Variants in C16orf95 observed in about 807,000 individuals in gnomAD.
C16orf95 encodes the protein uncharacterized protein C16orf95.
Under a neutral mutation model 32.1 loss-of-function variants are expected in C16orf95, and 41 were observed. That is an observed-to-expected ratio of 1.28 (90% CI 1.00 to 1.66). The LOEUF (loss-of-function observed/expected upper bound fraction) is 1.66, where lower values mean the gene tolerates loss of function less well. C16orf95 is among the 40% of genes most tolerant of loss of function. The pLI is 0.00. For synonymous variants in C16orf95, 147 were observed against 128.9 expected, an observed-to-expected ratio of 1.14 and a Z score of -0.95; for missense variants, 399 against 325.9, an observed-to-expected ratio of 1.22 and a Z score of -1.73.
At position 87,317,161 on chromosome 16, in the gene C16orf95, C is replaced by G; in HGVS notation, c.82G>C (p.Ala28Pro). The G allele has an allele frequency of 6.5e-7, 1 of 1,532,750 alleles. No homozygotes were observed. The highest frequency in any genetic ancestry group is 8.7e-7 in the Non-Finnish European group (1 of 1,145,416). 94.9% of individuals were successfully genotyped at this position (1,532,750 alleles called of 1,614,324 possible). A position where few individuals can be genotyped will look rare whatever the true frequency, so the allele number is the denominator to read the frequency against. ...EATGAASGAA[A>P]GGPGAGCVGL... ...ACGCACCCCGCGCCCGGCCCCCCGG[C>G]AGCAGCGCCTGAGGCTGCTCCAGTG... Residue 28 changes from alanine (A) to proline (P), a missense_variant, in exon 1 of 7, where the codon GCC becomes CCC. Transcript: ENST00000567970.
At chr16:87,316,356 C>T (rs1904334801) in intron 1 of C16orf95, among the ~76,000 whole-genome samples, 1 of 152,184 alleles carries the variant, frequency 6.6e-6, no homozygotes. Flanking sequence ...TTCCACTCCC[C>T]AACAAACTGC....
At chr16:87,310,453 G>T in intron 4 of C16orf95, 120 bp from the exon 5 acceptor site, 1 of 980,482 alleles carries the variant, frequency 1.0e-6, no homozygotes, top group South Asian at 1.5e-5. Flanking sequence ...AAAGCCAAGG[G>T]CTCCTCCTTA....
At chr16:87,316,692 G>A (rs921125175) in intron 1 of C16orf95, among the ~76,000 whole-genome samples, 14 of 152,032 alleles carry the variant, frequency 9.2e-5, no homozygotes, top group African/African-American at 3.4e-4. Context: ...GTTCAGGTGG[G>A]CCAAACTCAC....
intron 6 of C16orf95, chr16:87,303,359 AC>A (rs1334869717): frequency 2.6e-5 from 11 of 430,054 alleles, no homozygotes; most frequent in African/African-American, 1.2e-4. Context: ...TGTGAAGGGG[AC>A]AGGTGAAATG....
rs1207555313 is a variant in C16orf95, at chr16:87,305,997, G to A, written c.515-92C>T. The A allele has an allele frequency of 3.1e-5, 31 of 1,005,180 alleles. No individual in the cohort carries two copies. The highest frequency in any genetic ancestry group is 2.2e-4 in the African/African-American group (13 of 58,544). 62.3% of individuals were successfully genotyped at this position (1,005,180 alleles called of 1,614,324 possible). ...CTGCAACACCAGCCCCAGAGCCTCC[G>A]GGAAATGGGGACTTCCAGGACCCAG... On this transcript the variant is annotated intron_variant, in intron 5 of 6. Transcript: ENST00000567970. This position sits in a 1 kb window ranked among gnomAD's most constrained non-coding sequence, Gnocchi z 4.2.
Position 87,303,143 on chromosome 16 carries a change from G to A in C16orf95, c.702-68C>T, listed in dbSNP as rs560271017. ...CTGAGACCAGCTGCCCTCAGCGCGT[G>A]CCCTTGGGAAACCTCCATGAGCGGA... is the stretch of plus-strand genomic sequence containing the variant. On this transcript the variant is annotated intron_variant, in intron 6 of 6. Transcript: ENST00000567970. 1.3e-5 allele frequency: 20 copies of A among 1,498,212 alleles called. No homozygotes were observed. The South Asian group carries it at 1.7e-4, about 13-fold the overall frequency. The allele number at this position is 1,498,212 out of a possible 1,614,324, so 92.8% of individuals were successfully genotyped here.
intron 5 of C16orf95, among the ~76,000 whole-genome samples, chr16:87,309,168 G>T (rs559581707): frequency 6.6e-6 from 1 of 151,820 alleles, no homozygotes; most frequent in Non-Finnish European, 1.5e-5. Flanking sequence ...GTTTGTTTTG[G>T]GTTCAATTTT....
In C16orf95 at chr16:87,313,058, G is replaced by T. The variant is rs143506525; in HGVS notation, c.331-1762C>A. On this transcript the variant is annotated intron_variant, in intron 3 of 6. Coordinates refer to ENST00000567970, the MANE Select transcript of C16orf95 (RefSeq NM_001195124.3). ...AACATAGAAATGTATCATGTTTATGGGTCAAAAGATTCAATATTTTTCAAA... is the reference window on the plus strand; with the variant it reads ...AACATAGAAATGTATCATGTTTATGTGTCAAAAGATTCAATATTTTTCAAA... Among the ~76,000 whole-genome samples, 5 of 152,122 alleles carry T rather than the reference G, an allele frequency of 3.3e-5. No homozygotes were observed. In the East Asian group the frequency reaches 9.6e-4, roughly 29 times the overall value.
At chr16:87,306,155 G>A (rs984492596) in intron 5 of C16orf95, 1 of 361,694 alleles carries the variant, frequency 2.8e-6, no homozygotes, top group Non-Finnish European at 4.9e-6. Context: ...ACAGCATATG[G>A]AACATGTGCA....
At chr16:87,316,457 G>GT (rs1904339139) in intron 1 of C16orf95, among the ~76,000 whole-genome samples, 1 of 152,184 alleles carries the variant, frequency 6.6e-6, no homozygotes, top group African/African-American at 2.4e-5. Flanking sequence ...TGTGGAAACC[G>GT]TAAGAGCGAT....
intron 3 of C16orf95, among the ~76,000 whole-genome samples, chr16:87,314,182 T>C (rs1371720440): frequency 6.6e-6 from 1 of 152,182 alleles, no homozygotes. Context: ...CCAAGAAGAA[T>C]GACGGCATAT....
rs116811917 is a variant in C16orf95, at chr16:87,307,910, A to G, written c.515-2005T>C. ...GGGTCCTGGGAATTTAACCACATCA[A>G]TGCAGTCTTTTTTTACATCATTAAC... On this transcript the variant is annotated intron_variant, in intron 5 of 6. Transcript: ENST00000567970. Among the ~76,000 whole-genome samples, 1,471 of 152,340 alleles carry G rather than the reference A, an allele frequency of 9.7e-3. 31 individuals carry two copies. Among genetic ancestry groups the G allele is most frequent in the African/African-American group, 0.034 (1,422 of 41,558 alleles).
At chr16:87,312,119 G>A (rs1567605201) in intron 3 of C16orf95, among the ~76,000 whole-genome samples, 1 of 152,176 alleles carries the variant, frequency 6.6e-6, no homozygotes, top group Non-Finnish European at 1.5e-5. Context: ...CCCACCCTTG[G>A]CACTGTGACC....
intron 5 of C16orf95, among the ~76,000 whole-genome samples, chr16:87,306,790 T>C (rs1442432111): frequency 6.6e-6 from 1 of 152,102 alleles, no homozygotes; most frequent in African/African-American, 2.4e-5. Context: ...CGTGAATGGG[T>C]TTGAGGCTTG....
intron 3 of C16orf95, among the ~76,000 whole-genome samples, chr16:87,312,605 AAG>A (rs1911335529): frequency 6.6e-6 from 1 of 151,882 alleles, no homozygotes; most frequent in South Asian, 2.1e-4. Flanking sequence ...AGAAAAGAAA[AAG>A]AAAAACTGAA....
chr16:87,310,368 G>A, intron 4 of C16orf95, 35 bp from the exon 5 acceptor site: 2 of 1,535,486 alleles, frequency 1.3e-6, no homozygotes, highest in Non-Finnish European at 8.7e-7. Flanking sequence ...CAGTCAGCCT[G>A]GCGACCCTCC....
At position 87,314,947 on chromosome 16, in the gene C16orf95, G is replaced by A. The variant is rs564005097; in HGVS notation, c.330+24C>T. 31 of 1,534,174 alleles carry A rather than the reference G, an allele frequency of 2.0e-5. No individual in the cohort carries two copies. The African/African-American group carries it at 4.2e-4, about 21-fold the overall frequency. On this transcript the variant is annotated intron_variant, in intron 3 of 6. Transcript: ENST00000567970. ...ACATTCACCCTGGACCCTAGGGGAA[G>A]ACCTCCTGGTTCAAGTCACCTACCT...
chr16:87,302,907 T>A lies in C16orf95; in HGVS notation c.*150A>T. On this transcript the variant is annotated 3_prime_UTR_variant, in exon 7 of 7. Transcript: ENST00000567970. The stretch of plus-strand genomic sequence containing the variant: ...TTTGCTACAACCAAGAATCACCTGA[T>A]GAGAAATCATTTGGGTTGAATCCTG... 1 of 790,140 alleles carries A rather than the reference T, an allele frequency of 1.3e-6. No individual in the cohort carries two copies. Among genetic ancestry groups the A allele is most frequent in the Non-Finnish European group, 2.1e-6 (1 of 477,082 alleles). 48.9% of individuals were successfully genotyped at this position (790,140 alleles called of 1,614,324 possible).
chr16:87,311,084 A>G, intron 4 of C16orf95, 66 bp downstream of exon 4: 1 of 1,361,932 alleles, frequency 7.3e-7, no homozygotes, highest in Non-Finnish European at 9.7e-7. Flanking sequence ...TCTTCCTCCC[A>G]TCTCCCCTTC....
Sources: allele counts gnomAD v4.1 joint callset (sites outside exome capture counted in the v4.1 genomes callset), GRCh38; gene constraint gnomAD v4.1.1; non-coding constraint Gnocchi (gnomAD v3.1); transcripts MANE v1.5; gene names NCBI Gene and HGNC (gene_info 2026-07-23, HGNC 2026-07-21).